Variants in CSF2RA observed in about 807,000 individuals in gnomAD.
The protein encoded by CSF2RA is granulocyte-macrophage colony-stimulating factor receptor subunit alpha.
Under a neutral mutation model 51.6 loss-of-function variants are expected in CSF2RA, and 42 were observed. That is an observed-to-expected ratio of 0.81 (90% CI 0.64 to 1.05). CSF2RA has a LOEUF of 1.05. CSF2RA is among the 50% of genes least tolerant of loss of function. The probability of loss-of-function intolerance (pLI) is 0.00; values close to 1 mark genes in which losing one functional copy is unlikely to be tolerated. For synonymous variants in CSF2RA, 222 were observed against 193.0 expected (o/e 1.15, Z -1.24); for missense variants, 530 against 501.1 (o/e 1.06, Z -0.55).
downstream of CSF2RA, among the ~76,000 whole-genome samples, chrX:1,313,073 G>C (rs1387790329): frequency 6.6e-6 from 1 of 152,120 alleles, no homozygotes; most frequent in Non-Finnish European, 1.5e-5. Flanking sequence ...GTATGAACCT[G>C]TGGGTTTCAG....
At position 1,300,602 on chromosome X, in the gene CSF2RA, T is replaced by G; in HGVS notation, c.922T>G (p.Ser308Ala). ...AADVRILNWS[S>A]WSEAIEFGSD... ...AGACGTCCGCATCTTGAATTGGAGC[T>G]CCTGGAGTGAAGCCATTGAATTTGG... The change falls in exon 10 of 13, where the codon TCC (serine) becomes GCC (alanine). Residue 308 changes from serine (S) to alanine (A), a missense_variant. Transcript: ENST00000381529. 1.2e-6 allele frequency: 2 copies of G among 1,613,862 alleles called. No individual in the cohort carries two copies. Among genetic ancestry groups the G allele is most frequent in the Non-Finnish European group, 1.7e-6 (2 of 1,179,858 alleles).
intron 2 of CSF2RA, among the ~76,000 whole-genome samples, chrX:1,281,653 C>T (rs1264515599): frequency 6.6e-6 from 1 of 151,974 alleles, no homozygotes; most frequent in African/African-American, 2.4e-5. Context: ...TTCATCCCTC[C>T]ATCTGCCCAA....
chrX:1,287,252 C>G (rs1333804692), intron 4 of CSF2RA: 1 of 148,290 alleles, frequency 6.7e-6, no homozygotes, highest in East Asian at 2.0e-4. Context: ...CTCCTGGGTT[C>G]AAGCGATTCT....
At chrX:1,296,145 C>A (rs73618046) in intron 9 of CSF2RA, among the ~76,000 whole-genome samples, 1 of 151,326 alleles carries the variant, frequency 6.6e-6, no homozygotes, top group South Asian at 2.1e-4. Flanking sequence ...ACCCATGACC[C>A]CTGGAGTAAC....
chrX:1,287,740 G>A (rs1231447267), intron 4 of CSF2RA, among the ~76,000 whole-genome samples: 28 of 124,694 alleles, frequency 2.2e-4, no homozygotes, highest in Non-Finnish European at 3.4e-4. Flanking sequence ...CACTATGTCC[G>A]ACCCTTTTTT....
the CSF2RA span, among the ~76,000 whole-genome samples, chrX:1,316,753 C>G: frequency 6.6e-6 from 1 of 152,182 alleles, no homozygotes; most frequent in Non-Finnish European, 1.5e-5. Context: ...CGTCTCTCAT[C>G]CTGTTGAGTC....
At chrX:1,302,297 C>G (rs1203975080) in intron 10 of CSF2RA, among the ~76,000 whole-genome samples, 1 of 151,934 alleles carries the variant, frequency 6.6e-6, no homozygotes, top group Non-Finnish European at 1.5e-5. Context: ...TTGAGGGCTC[C>G]AAATTGAAAA....
In CSF2RA at chrX:1,288,991, T is replaced by C. The variant is rs1435218713; in HGVS notation, c.473+103T>C. 3 of 1,500,378 alleles carry C rather than the reference T, an allele frequency of 2.0e-6. No individual in the cohort carries two copies. In the African/African-American group the frequency reaches 4.1e-5, roughly 21 times the overall value. The allele number at this position is 1,500,378 out of a possible 1,614,324, so 92.9% of individuals were successfully genotyped here. A position where few individuals can be genotyped will look rare whatever the true frequency, so the allele number is the denominator to read the frequency against. On this transcript the variant is annotated intron_variant, in intron 6 of 12. Transcript: ENST00000381529. ...CTTTTTCTTTTTTTAAGACATGGTCTTGCTCTGTTGCCCAGGCTGCAATGC... is the reference window on the plus strand; with the variant it reads ...CTTTTTCTTTTTTTAAGACATGGTCCTGCTCTGTTGCCCAGGCTGCAATGC...
Position 1,275,168 on chromosome X carries a change from G to A in CSF2RA, c.-27+350G>A, listed in dbSNP as rs1211033168. On this transcript the variant is annotated intron_variant, in intron 2 of 12. Coordinates refer to ENST00000381529, the MANE Select transcript of CSF2RA (RefSeq NM_172245.4). ...AGCACTGTGGGAGGCTGAGGCGGGG[G>A]GATCATGAGGTCAGGAGTTCCAGAC... Among the ~76,000 whole-genome samples the A allele has an allele frequency of 2.0e-5, 3 of 151,890 alleles. No homozygotes were observed. The East Asian group carries it at 5.8e-4, about 30-fold the overall frequency.
chrX:1,299,647 G>T (rs1242551924), intron 9 of CSF2RA, among the ~76,000 whole-genome samples: 1 of 152,190 alleles, frequency 6.6e-6, no homozygotes, highest in Non-Finnish European at 1.5e-5. Context: ...GCCAGGCACG[G>T]TGGCTCACGC....
intron 9 of CSF2RA, 38 bp downstream of exon 9, chrX:1,295,494 G>A (rs773208204): frequency 2.4e-5 from 37 of 1,574,052 alleles, no homozygotes; most frequent in South Asian, 1.8e-4. Flanking sequence ...AACCCTCAGC[G>A]TAACCCTACG....
intron 11 of CSF2RA, 137 bp from the exon 12 acceptor site, chrX:1,305,309 C>A: frequency 1.0e-6 from 1 of 995,896 alleles, no homozygotes; most frequent in Non-Finnish European, 1.6e-6. Context: ...ATTTTCGTCA[C>A]TTGGTGATTC....
At chrX:1,323,166 A>AAAATAAAATAAAATAAAATAAAAT in the CSF2RA span, among the ~76,000 whole-genome samples, 1 of 150,882 alleles carries the variant, frequency 6.6e-6, no homozygotes, top group African/African-American at 2.5e-5. Context: ...ATTATAAAAT[A>AAAATAAAATAAAATAAAATAAAAT]AAATAAAATA....
chrX:1,314,167 G>A (rs1450183039), downstream of CSF2RA, among the ~76,000 whole-genome samples: 2 of 148,364 alleles, frequency 1.3e-5, no homozygotes, highest in African/African-American at 5.1e-5. Context: ...GTGGGCAGAG[G>A]CTGTCAATAT....
chrX:1,282,280 C>T (rs1443263871), intron 2 of CSF2RA: 2 of 214,522 alleles, frequency 9.3e-6, no homozygotes, highest in African/African-American at 4.6e-5. Flanking sequence ...CATCGTTTAT[C>T]TTATTTCCCC....
chrX:1,296,337 T>A (rs1203470981), intron 9 of CSF2RA, among the ~76,000 whole-genome samples: 117 of 103,216 alleles, frequency 1.1e-3, no homozygotes, highest in South Asian at 4.2e-3. Flanking sequence ...CTCCTACCCA[T>A]GACCCCTGGC....
At chrX:1,317,305 G>A in the CSF2RA span, among the ~76,000 whole-genome samples, 4 of 121,632 alleles carry the variant, frequency 3.3e-5, no homozygotes, top group Non-Finnish European at 6.5e-5. Context: ...AGGCTGGAGT[G>A]CAGTGGTACA....
At chrX:1,303,899 A>T in intron 10 of CSF2RA, 24 bp from the exon 11 acceptor site, 1 of 1,586,032 alleles carries the variant, frequency 6.3e-7, no homozygotes, top group South Asian at 1.1e-5. Flanking sequence ...TTCACCGCAG[A>T]CGCAAACCTG....
chrX:1,276,778 G>A (rs2089241900), intron 2 of CSF2RA, among the ~76,000 whole-genome samples: 2 of 152,012 alleles, frequency 1.3e-5, no homozygotes, highest in African/African-American at 4.8e-5. Context: ...GTCTTGTCTG[G>A]GGAGGCATAT....
Sources: gnomAD v4.1 joint callset for allele counts (sites outside exome capture counted in the v4.1 genomes callset) on GRCh38, gnomAD v4.1.1 for gene constraint, MANE v1.5 for transcripts, NCBI Gene and HGNC (gene_info 2026-07-23, HGNC 2026-07-21) for gene names.